PLCB4: variants seen among roughly 807,000 people sequenced by gnomAD.
PLCB4 encodes 1-phosphatidylinositol 4,5-bisphosphate phosphodiesterase beta-4.
Under a neutral mutation model 178.8 loss-of-function variants are expected in PLCB4, and 77 were observed. The ratio of observed to expected loss-of-function variants is 0.43; its 90% CI spans 0.36 to 0.52. The LOEUF is 0.52. Ranked by LOEUF, PLCB4 falls within the 20% of genes least tolerant of loss-of-function variation. The probability of loss-of-function intolerance (pLI) is 0.00; values close to 1 mark genes in which losing one functional copy is unlikely to be tolerated. For missense variants in PLCB4, 1,024 were observed against 1,453.4 expected (o/e 0.70, Z 4.80); for synonymous variants, 496 against 490.8 (o/e 1.01, Z -0.14).
At chr20:9,100,230 T>G (rs2146624438) in intron 2 of PLCB4, among the ~76,000 whole-genome samples, 1 of 152,224 alleles carries the variant, frequency 6.6e-6, no homozygotes, top group East Asian at 1.9e-4. Context: ...GTGCAGTAGG[T>G]GAAACAGAGT....
intron 3 of PLCB4, among the ~76,000 whole-genome samples, chr20:9,243,635 GATT>G: frequency 6.6e-6 from 1 of 152,294 alleles, no homozygotes; most frequent in South Asian, 2.1e-4. Context: ...ATAGCCTTTT[GATT>G]ATTTTTCAAA....
chr20:9,150,890 A>G (rs1432962183), intron 2 of PLCB4, among the ~76,000 whole-genome samples: 1 of 152,116 alleles, frequency 6.6e-6, no homozygotes, highest in Non-Finnish European at 1.5e-5. Context: ...TCTTCCCCCA[A>G]ATGGCTTTGT....
At chr20:9,184,646 CA>C (rs2093302662) in intron 2 of PLCB4, among the ~76,000 whole-genome samples, 2 of 145,410 alleles carry the variant, frequency 1.4e-5, no homozygotes, top group Admixed American at 6.9e-5. Flanking sequence ...GATTAGGAGG[CA>C]ATTTTTTTTT....
intron 1 of PLCB4, among the ~76,000 whole-genome samples, chr20:9,069,864 G>A (rs570324436): frequency 1.4e-4 from 22 of 152,146 alleles, no homozygotes; most frequent in African/African-American, 5.1e-4. Flanking sequence ...CATTTTCCTA[G>A]AGAGAAATAC....
At chr20:9,456,335 A>C (rs985808711) in intron 33 of PLCB4, among the ~76,000 whole-genome samples, 1 of 152,220 alleles carries the variant, frequency 6.6e-6, no homozygotes, top group South Asian at 2.1e-4. Context: ...TTGGCTAATG[A>C]CTACCTCTCA....
chr20:9,370,824 G>A, intron 9 of PLCB4: 1 of 156,000 alleles, frequency 6.4e-6, no homozygotes, highest in South Asian at 2.0e-4. Context: ...CGGGAGAATT[G>A]CTTGAACCTG....
intron 19 of PLCB4, among the ~76,000 whole-genome samples, chr20:9,399,996 G>A (rs192104902): frequency 7.0e-4 from 107 of 152,224 alleles, no homozygotes; most frequent in South Asian, 1.2e-3. Flanking sequence ...CTAGTTCCTC[G>A]TTTATAAGTA....
chr20:9,201,423 A>G (rs530876099), intron 2 of PLCB4, among the ~76,000 whole-genome samples: 26 of 152,298 alleles, frequency 1.7e-4, no homozygotes, highest in Admixed American at 1.4e-3. Context: ...ATCTATTGTG[A>G]TTATTATTAT....
intron 7 of PLCB4, among the ~76,000 whole-genome samples, chr20:9,346,657 A>T (rs969601991): frequency 1.3e-5 from 2 of 152,162 alleles, no homozygotes; most frequent in African/African-American, 2.4e-5. Flanking sequence ...TTCTGAGTTC[A>T]TTGGAAACAA....
chr20:9,292,486 C>T (rs1296659193), intron 3 of PLCB4, among the ~76,000 whole-genome samples: 8 of 152,242 alleles, frequency 5.3e-5, no homozygotes, highest in African/African-American at 1.9e-4. Context: ...GATCAAGCCC[C>T]ACCAGTGAGG....
chr20:9,154,881 T>TTCCTTCCC (rs879330389), intron 2 of PLCB4, among the ~76,000 whole-genome samples: 4,043 of 96,494 alleles, frequency 0.042, 415 homozygotes, highest in Non-Finnish European at 0.065. Flanking sequence ...CCTTCCTTCT[T>TTCCTTCCC]TCCTTCCCTC....
At chr20:9,142,521 G>A (rs1336482064) in intron 2 of PLCB4, among the ~76,000 whole-genome samples, 1 of 152,068 alleles carries the variant, frequency 6.6e-6, no homozygotes, top group Admixed American at 6.5e-5. Context: ...CACAAACTTG[G>A]GAGTTTTACT....
Position 9,395,593 on chromosome 20 carries a change from C to T in PLCB4, c.1485C>T (p.Asp495=), listed in dbSNP as rs374048213. The T allele has an allele frequency of 2.1e-4, 342 of 1,611,490 alleles. No individual in the cohort carries two copies. The highest frequency in any genetic ancestry group is 1.0e-3 in the South Asian group (91 of 91,034). ...CCTCCCCAGCAAACATCTTAGAGGA[C>T]GATAATGAAGAGGAGATCGAAAGTG... is the stretch of plus-strand genomic sequence containing the variant. ...ESASPANILE[D]DNEEEIESAD... Residue 495 remains aspartate, a synonymous_variant, in exon 19 of 40, where the codon GAC becomes GAT. Coordinates refer to ENST00000378473, the MANE Select transcript of PLCB4 (RefSeq NM_001377142.1).
At chr20:9,236,081 G>T (rs2093989749) in intron 3 of PLCB4, among the ~76,000 whole-genome samples, 1 of 152,110 alleles carries the variant, frequency 6.6e-6, no homozygotes, top group Non-Finnish European at 1.5e-5. Context: ...CCCCTTCAGG[G>T]CTTTCCATGG....
intron 2 of PLCB4, among the ~76,000 whole-genome samples, chr20:9,191,143 C>T (rs763422582): frequency 3.3e-5 from 5 of 151,918 alleles, no homozygotes; most frequent in Non-Finnish European, 7.4e-5. Flanking sequence ...CAAACATGAA[C>T]CTTAGGAAGT....
chr20:9,251,631 G>A (rs1241532157), intron 3 of PLCB4, among the ~76,000 whole-genome samples: 1 of 152,082 alleles, frequency 6.6e-6, no homozygotes, highest in Admixed American at 6.6e-5. Context: ...GTTCTTATGT[G>A]GCTCCCTTTT....
chr20:9,084,517 T>G (rs200678030), intron 1 of PLCB4, among the ~76,000 whole-genome samples: 44 of 151,704 alleles, frequency 2.9e-4, no homozygotes, highest in Non-Finnish European at 4.9e-4. Context: ...ATTTTTTTTT[T>G]TGTGTGGGGA....
intron 3 of PLCB4, among the ~76,000 whole-genome samples, chr20:9,261,159 G>T (rs1027074683): frequency 2.0e-5 from 3 of 151,868 alleles, no homozygotes; most frequent in Non-Finnish European, 4.4e-5. Context: ...TTAATGTAAT[G>T]ATGTGTGCTT....
At chr20:9,376,891 A>G (rs1047633802) in intron 12 of PLCB4, among the ~76,000 whole-genome samples, 27 of 152,192 alleles carry the variant, frequency 1.8e-4, no homozygotes, top group South Asian at 6.2e-4. Context: ...TTCCTCACAC[A>G]TATCATAGGA....
Sources: gnomAD v4.1 joint callset for allele counts (sites outside exome capture counted in the v4.1 genomes callset) on GRCh38, gnomAD v4.1.1 for gene constraint, MANE v1.5 for transcripts, NCBI Gene and HGNC (gene_info 2026-07-23, HGNC 2026-07-21) for gene names.